LONP2: variants seen among roughly 807,000 people sequenced by gnomAD.
LONP2 encodes the protein lon protease homolog 2, peroxisomal.
In LONP2, 60 loss-of-function variants were observed where a neutral mutation model predicts 85.6. That is an observed-to-expected ratio of 0.70 (90% CI 0.57 to 0.87). The LOEUF (loss-of-function observed/expected upper bound fraction) is 0.87, where lower values mean the gene tolerates loss of function less well. LONP2 is among the 40% of genes least tolerant of loss of function. The pLI is 0.00. For missense variants in LONP2, 860 were observed against 1,063.5 expected (o/e 0.81, Z 2.66); for synonymous variants, 395 against 389.7 (o/e 1.01, Z -0.16).
intron 1 of LONP2, among the ~76,000 whole-genome samples, chr16:48,248,885 GAAAAAAAAA>G (rs768247989): frequency 1.1e-5 from 1 of 91,428 alleles, no homozygotes; most frequent in South Asian, 3.7e-4. Context: ...CTGTCTATAG[GAAAAAAAAA>G]AAAAAAAAAA....
chr16:48,338,723 C>G (rs1959727700), intron 12 of LONP2, among the ~76,000 whole-genome samples: 1 of 152,080 alleles, frequency 6.6e-6, no homozygotes, highest in Non-Finnish European at 1.5e-5. Flanking sequence ...GCCTGGGCGA[C>G]ACGGCAAAAT....
intron 2 of LONP2, among the ~76,000 whole-genome samples, chr16:48,254,621 C>T (rs931742356): frequency 2.8e-4 from 42 of 152,222 alleles, no homozygotes; most frequent in African/African-American, 9.4e-4. Context: ...CCACCACGCC[C>T]GGCCTCCATC....
chr16:48,303,855 G>A (rs1159828445), intron 11 of LONP2, among the ~76,000 whole-genome samples: 2 of 152,204 alleles, frequency 1.3e-5, no homozygotes, highest in Non-Finnish European at 2.9e-5. Context: ...ACGGGAGAAA[G>A]CTGAAGGCCA....
At chr16:48,317,074 C>T (rs537513286) in intron 11 of LONP2, among the ~76,000 whole-genome samples, 3 of 152,274 alleles carry the variant, frequency 2.0e-5, no homozygotes, top group African/African-American at 7.2e-5. Flanking sequence ...TTATGTGGTA[C>T]TCCCAGGATG....
intron 6 of LONP2, among the ~76,000 whole-genome samples, chr16:48,267,115 A>G (rs907715097): frequency 2.6e-5 from 4 of 152,198 alleles, no homozygotes; most frequent in African/African-American, 9.7e-5. Flanking sequence ...TGTCAGCACT[A>G]GAGATGTGTA....
intron 8 of LONP2, among the ~76,000 whole-genome samples, chr16:48,281,941 A>G (rs1407281786): frequency 2.0e-5 from 3 of 152,248 alleles, no homozygotes; most frequent in African/African-American, 4.8e-5. Context: ...TCTTAAGGAT[A>G]AAAAGCTTAA....
At chr16:48,346,866 A>G (rs1296949936) in intron 12 of LONP2, among the ~76,000 whole-genome samples, 2 of 152,056 alleles carry the variant, frequency 1.3e-5, no homozygotes, top group Non-Finnish European at 2.9e-5. Flanking sequence ...ATGCAGCCCA[A>G]TAGGCTGGGT....
At chr16:48,361,655 G>A (rs1324975672), downstream of LONP2, 2 of 1,613,158 alleles carry the variant, frequency 1.2e-6, no homozygotes, top group Admixed American at 1.7e-5. Flanking sequence ...TGGTGTCAAA[G>A]ACTAGACAGT....
At chr16:48,278,472 A>G (rs1972261683) in intron 8 of LONP2, among the ~76,000 whole-genome samples, 1 of 152,200 alleles carries the variant, frequency 6.6e-6, no homozygotes, top group African/African-American at 2.4e-5. Flanking sequence ...AGCTTGCATG[A>G]GTGGTAAATG....
intron 11 of LONP2, among the ~76,000 whole-genome samples, chr16:48,306,390 A>T (rs536961296): frequency 6.6e-6 from 1 of 152,316 alleles, no homozygotes; most frequent in African/African-American, 2.4e-5. Flanking sequence ...ATACTCAAGG[A>T]ATTGTTCAGT....
At chr16:48,328,064 T>C (rs891959784) in intron 11 of LONP2, among the ~76,000 whole-genome samples, 1 of 151,970 alleles carries the variant, frequency 6.6e-6, no homozygotes, top group African/African-American at 2.4e-5. Context: ...ATAGTAAATA[T>C]TACTCTAAAA....
chr16:48,244,600 A>T lies in LONP2; in HGVS notation c.212A>T (p.Gln71Leu), dbSNP rs528663722. The change falls in exon 1 of 15, where the codon CAG becomes CTG. Residue 71 changes from glutamine to leucine, a missense_variant. Transcript: ENST00000285737. ...PNTPDPASDA[Q>L]DLPPLHRIGT... ...ACGCCTGACCCCGCCAGCGACGCGC[A>T]GGACCTGCCGCCGCTGCACAGGTAG... 6.7e-7 allele frequency: 1 copy of T among 1,483,046 alleles called. No homozygotes were observed. Among genetic ancestry groups the T allele is most frequent in the African/African-American group, 1.5e-5 (1 of 68,938 alleles). 91.9% of individuals were successfully genotyped at this position (1,483,046 alleles called of 1,614,324 possible).
rs761822011 is a variant in LONP2, at chr16:48,347,506, G to A, written c.1939-1G>A. 6.8e-6 allele frequency: 11 copies of A among 1,614,164 alleles called. No homozygotes were observed. In the Admixed American group the frequency reaches 1.7e-4, roughly 24 times the overall value. On this transcript the variant is annotated splice_acceptor_variant, in intron 12 of 14. Transcript: ENST00000285737. LOFTEE classifies it high-confidence loss of function. The stretch of plus-strand genomic sequence containing the variant: ...ACTCTGATCATTCTTCTTCTTTCAA[G>A]GTATCTCAGCGTTTGAGTCAGCCAG...
rs1960263211 is a variant in LONP2, at chr16:48,354,512, A to G, written c.*2710A>G. On this transcript the variant is annotated 3_prime_UTR_variant, in exon 15 of 15. Transcript: ENST00000285737. Reference sequence around the variant, plus strand: ...GCGTGAGCCACCACACCCGGCTTACATGCATTTTTTATCACCACAAACTGA... The same window carrying G: ...GCGTGAGCCACCACACCCGGCTTACGTGCATTTTTTATCACCACAAACTGA... The G allele has an allele frequency of 6.6e-6, 1 of 152,188 alleles. No homozygotes were observed. Among genetic ancestry groups the G allele is most frequent in the Non-Finnish European group, 1.5e-5 (1 of 68,122 alleles). 9.4% of individuals were successfully genotyped at this position (152,188 alleles called of 1,614,324 possible).
intron 8 of LONP2, among the ~76,000 whole-genome samples, chr16:48,292,966 A>G (rs182430183): frequency 4.6e-5 from 7 of 152,328 alleles, no homozygotes; most frequent in Admixed American, 3.9e-4. Flanking sequence ...CACTGTTTTA[A>G]AAACCTCCTT....
chr16:48,297,381 G>C (rs1355121989), intron 9 of LONP2, among the ~76,000 whole-genome samples: 1 of 152,004 alleles, frequency 6.6e-6, no homozygotes, highest in Non-Finnish European at 1.5e-5. Context: ...CACAATCTTG[G>C]CTCACTGCAA....
intron 11 of LONP2, among the ~76,000 whole-genome samples, chr16:48,308,856 AACAG>A (rs544603526): frequency 5.5e-4 from 84 of 152,296 alleles, no homozygotes; most frequent in African/African-American, 9.9e-4. Context: ...CAACAGAGTA[AACAG>A]ACAGCTTGCA....
downstream of LONP2, among the ~76,000 whole-genome samples, chr16:48,358,743 C>T (rs1036203625): frequency 6.6e-6 from 1 of 152,110 alleles, no homozygotes; most frequent in African/African-American, 2.4e-5. Flanking sequence ...ATCACTTGAG[C>T]CCAGGAGTTT....
intron 8 of LONP2, among the ~76,000 whole-genome samples, chr16:48,281,157 T>C (rs1468764291): frequency 6.6e-6 from 1 of 152,186 alleles, no homozygotes; most frequent in African/African-American, 2.4e-5. Context: ...ATAGCCCAGA[T>C]GTGAAGAATG....
Sources: gnomAD v4.1 joint callset for allele counts (sites outside exome capture counted in the v4.1 genomes callset) on GRCh38, gnomAD v4.1.1 for gene constraint, MANE v1.5 for transcripts, NCBI Gene and HGNC (gene_info 2026-07-23, HGNC 2026-07-21) for gene names.